The following NRXN1 variants were observed in gnomAD, a reference collection of about 807,000 sequenced individuals.
NRXN1 encodes neurexin 1.
In NRXN1, 39 loss-of-function variants were observed where a neutral mutation model predicts 150.9. The ratio of observed to expected loss-of-function variants is 0.26; its 90% confidence interval spans 0.20 to 0.34. The LOEUF is 0.34. Among genes scored for constraint, NRXN1 ranks in the 10% least tolerant of loss-of-function variants. The probability of loss-of-function intolerance (pLI) is 1.00; values close to 1 mark genes in which losing one functional copy is unlikely to be tolerated. For synonymous variants in NRXN1, 924 were observed against 757.0 expected, an observed-to-expected ratio of 1.22 and a Z score of -3.62; for missense variants, 1,815 against 1,949.9, an observed-to-expected ratio of 0.93 and a Z score of 1.30.
At chr2:50,806,190 C>A (rs1277993747) in intron 5 of NRXN1, among the ~76,000 whole-genome samples, 3 of 152,098 alleles carry the variant, frequency 2.0e-5, no homozygotes, top group Admixed American at 1.3e-4. Flanking sequence ...GTAGGCAGGA[C>A]CTCAAATAAT....
chr2:50,303,402 G>A (rs915414828), intron 17 of NRXN1, among the ~76,000 whole-genome samples: 2 of 152,106 alleles, frequency 1.3e-5, no homozygotes, highest in African/African-American at 4.8e-5. Flanking sequence ...CAAATTAATT[G>A]AAACTCATGT....
intron 5 of NRXN1, among the ~76,000 whole-genome samples, chr2:50,636,169 A>T (rs898131604): frequency 6.6e-6 from 1 of 152,186 alleles, no homozygotes. Flanking sequence ...AAAAAAATAC[A>T]TGTTTCTATT....
chr2:50,315,925 T>C (rs925825819), intron 17 of NRXN1, among the ~76,000 whole-genome samples: 2 of 151,970 alleles, frequency 1.3e-5, no homozygotes, highest in Admixed American at 1.3e-4. Context: ...GTTTAAAGAA[T>C]TTCGGGAATT....
chr2:50,578,977 T>C (rs1237730714), intron 8 of NRXN1, among the ~76,000 whole-genome samples: 2 of 152,156 alleles, frequency 1.3e-5, no homozygotes, highest in Non-Finnish European at 2.9e-5. Context: ...AACCATCACT[T>C]CTTACCTGCA....
chr2:50,560,641 A>G (rs1668936381), intron 8 of NRXN1, among the ~76,000 whole-genome samples: 1 of 152,104 alleles, frequency 6.6e-6, no homozygotes, highest in Admixed American at 6.6e-5. Flanking sequence ...CATTTTGGCC[A>G]GGCTAGTCTC....
At chr2:50,625,236 G>C (rs1425052807) in intron 5 of NRXN1, among the ~76,000 whole-genome samples, 2 of 152,046 alleles carry the variant, frequency 1.3e-5, no homozygotes, top group East Asian at 3.9e-4. Flanking sequence ...AGTGCCAGAT[G>C]ATCTGCCTTC....
At chr2:50,981,247 A>C (rs1464979321) in intron 2 of NRXN1, among the ~76,000 whole-genome samples, 2 of 151,928 alleles carry the variant, frequency 1.3e-5, no homozygotes, top group African/African-American at 2.4e-5. Flanking sequence ...ACTTGAGGCC[A>C]AGAGTTTGAG....
Position 50,433,681 on chromosome 2 carries a change from A to G in NRXN1, c.3364+31761T>C, listed in dbSNP as rs2085172036. ...GAGAAACATAAAAGAGAGAAAGGAA[A>G]GAAGAAGGGAGTGAGAAAGGGAAGG... On this transcript the variant is annotated intron_variant, in intron 17 of 22. Transcript: ENST00000401669. Among the ~76,000 whole-genome samples the G allele has an allele frequency of 5.4e-5, 8 of 147,574 alleles. 1 individual carries two copies. In the South Asian group the frequency reaches 1.9e-3, roughly 34 times the overall value.
intron 5 of NRXN1, among the ~76,000 whole-genome samples, chr2:50,654,426 T>C (rs1421240839): frequency 6.6e-6 from 1 of 151,954 alleles, no homozygotes; most frequent in Non-Finnish European, 1.5e-5. Flanking sequence ...ATCTAGTCTA[T>C]CATTGTTGGA....
At chr2:50,214,431 C>A (rs908197602) in intron 18 of NRXN1, among the ~76,000 whole-genome samples, 4 of 151,942 alleles carry the variant, frequency 2.6e-5, no homozygotes, top group African/African-American at 9.7e-5. Flanking sequence ...ATATTCCATA[C>A]TTTCAGCATT....
chr2:50,630,754 C>T (rs1364938119), intron 5 of NRXN1, among the ~76,000 whole-genome samples: 1 of 151,514 alleles, frequency 6.6e-6, no homozygotes, highest in African/African-American at 2.4e-5. Context: ...AAACTAAAAT[C>T]AATATATGAA....
intron 5 of NRXN1, chr2:50,829,610 T>C (rs1559323486): frequency 1.9e-6 from 3 of 1,611,988 alleles, no homozygotes; most frequent in Non-Finnish European, 2.5e-6. Flanking sequence ...GCCTTGAATA[T>C]TTCACTTTAC....
chr2:50,180,732 A>C (rs2060656266), intron 18 of NRXN1, among the ~76,000 whole-genome samples: 1 of 152,078 alleles, frequency 6.6e-6, no homozygotes, highest in Admixed American at 6.6e-5. Flanking sequence ...CAGCCTCTAG[A>C]CCCATGAGGA....
At chr2:50,684,894 T>C (rs1192245729) in intron 5 of NRXN1, among the ~76,000 whole-genome samples, 2 of 152,178 alleles carry the variant, frequency 1.3e-5, no homozygotes, top group African/African-American at 4.8e-5. Flanking sequence ...ACTTGAAGAG[T>C]ACTGGGAATA....
At chr2:50,543,390 A>C (rs768471184) in intron 9 of NRXN1, among the ~76,000 whole-genome samples, 1 of 152,128 alleles carries the variant, frequency 6.6e-6, no homozygotes, top group Admixed American at 6.5e-5. Context: ...GCACCCTGCT[A>C]TGCTATTTTA....
chr2:50,057,142 A>G (rs1693780191), intron 19 of NRXN1, among the ~76,000 whole-genome samples: 4 of 152,172 alleles, frequency 2.6e-5, no homozygotes, highest in Admixed American at 2.6e-4. Flanking sequence ...CTCTTAGGAT[A>G]AAATCTCAGA....
In NRXN1 at chr2:50,044,633, C is replaced by T. The variant is rs116809647; in HGVS notation, c.4128+8638G>A. Among the ~76,000 whole-genome samples the T allele has an allele frequency of 3.6e-3, 549 of 152,220 alleles. 4 individuals carry two copies. The highest frequency in any genetic ancestry group is 0.013 in the African/African-American group (534 of 41,530). ...TGTTAGTGATGCTGTTAATAATATA[C>T]TCTAAATCTGTCATGTACAAAAGCT... On this transcript the variant is annotated intron_variant, in intron 21 of 22. Coordinates refer to ENST00000401669, the MANE Select transcript of NRXN1 (RefSeq NM_001330078.2).
At chr2:49,968,420 T>C (rs868665227) in intron 21 of NRXN1, among the ~76,000 whole-genome samples, 1 of 152,114 alleles carries the variant, frequency 6.6e-6, no homozygotes, top group African/African-American at 2.4e-5. Context: ...TCATAAAGCA[T>C]GAAACCGGCT....
chr2:50,647,179 G>A, intron 5 of NRXN1, among the ~76,000 whole-genome samples: 1 of 151,844 alleles, frequency 6.6e-6, no homozygotes, highest in Admixed American at 6.6e-5. Context: ...TCCCTGGAGA[G>A]TGTCTTGAAG....
Sources: allele counts gnomAD v4.1 joint callset (sites outside exome capture counted in the v4.1 genomes callset), GRCh38; gene constraint gnomAD v4.1.1; transcripts MANE v1.5; gene names NCBI Gene and HGNC (gene_info 2026-07-23, HGNC 2026-07-21).